The following SLC44A2 variants were observed in gnomAD, a reference collection of about 807,000 sequenced individuals.
The protein encoded by SLC44A2 is solute carrier family 44 member 2 (CTL2 blood group).
Under a neutral mutation model 90.8 loss-of-function variants are expected in SLC44A2, and 57 were observed. That is an observed-to-expected ratio of 0.63 (90% CI 0.51 to 0.78). The LOEUF (loss-of-function observed/expected upper bound fraction) is 0.78, where lower values mean the gene tolerates loss of function less well. Ranked by LOEUF, SLC44A2 falls within the 30% of genes least tolerant of loss-of-function variation. SLC44A2 has a pLI of 0.00. For synonymous variants in SLC44A2, 355 were observed against 360.7 expected (o/e 0.98, Z 0.18); for missense variants, 794 against 919.7 (o/e 0.86, Z 1.77).
chr19:10,625,070 A>G (rs1248043388), upstream of SLC44A2, among the ~76,000 whole-genome samples: 1 of 151,898 alleles, frequency 6.6e-6, no homozygotes, highest in African/African-American at 2.4e-5. Flanking sequence ...GGAGGTCGAG[A>G]CTGCGATGAG....
chr19:10,632,721 G>A (rs1325185722), intron 10 of SLC44A2, among the ~76,000 whole-genome samples: 1 of 150,942 alleles, frequency 6.6e-6, no homozygotes, highest in African/African-American at 2.4e-5. Flanking sequence ...CACCCAGGCT[G>A]GAGTGCCATG....
At chr19:10,623,414 G>A (rs1185213919), upstream of SLC44A2, among the ~76,000 whole-genome samples, 1 of 152,128 alleles carries the variant, frequency 6.6e-6, no homozygotes, top group Non-Finnish European at 1.5e-5. Flanking sequence ...TGATCACGCT[G>A]ACTGTATAAC....
intron 1 of SLC44A2, chr19:10,602,699 C>A: frequency 1.3e-6 from 1 of 761,882 alleles, no homozygotes; most frequent in Non-Finnish European, 1.7e-6. Context: ...GCATCCGACA[C>A]TGCGCGGATC....
intron 2 of SLC44A2, among the ~76,000 whole-genome samples, chr19:10,626,691 G>A (rs773613226): frequency 6.6e-6 from 1 of 151,594 alleles, no homozygotes; most frequent in Admixed American, 6.6e-5. Context: ...CAAAGTGCTG[G>A]GATTACAGGT....
intron 1 of SLC44A2, among the ~76,000 whole-genome samples, chr19:10,604,678 G>A (rs538652169): frequency 6.6e-6 from 1 of 152,242 alleles, no homozygotes; most frequent in South Asian, 2.1e-4. Context: ...GAAGCTCTGT[G>A]TCTTTGTCTA....
chr19:10,607,341 TTTG>T (rs948683167), intron 1 of SLC44A2, among the ~76,000 whole-genome samples: 12 of 151,896 alleles, frequency 7.9e-5, no homozygotes, highest in African/African-American at 1.9e-4. Flanking sequence ...TACTTTATTC[TTTG>T]TTGTTGTTGT....
At chr19:10,620,998 C>T (rs1363680920), upstream of SLC44A2, among the ~76,000 whole-genome samples, 2 of 151,882 alleles carry the variant, frequency 1.3e-5, no homozygotes, top group Non-Finnish European at 2.9e-5. Flanking sequence ...ATGATTGCTC[C>T]ACTGCATTCC....
chr19:10,627,636 T>C lies in SLC44A2; in HGVS notation c.87-86T>C, dbSNP rs2066947708. On this transcript the variant is annotated intron_variant, in intron 2 of 21. Coordinates refer to ENST00000335757, the MANE Select transcript of SLC44A2 (RefSeq NM_020428.4). The stretch of plus-strand genomic sequence containing the variant: ...CAGGAAAATTTGTCCAAATAACACA[T>C]GGATGAGGGTGTTTGCAGAGGGCAG... The C allele has an allele frequency of 4.3e-6, 6 of 1,399,576 alleles. No individual in the cohort carries two copies. In the East Asian group the frequency reaches 9.2e-5, roughly 22 times the overall value. 86.7% of individuals were successfully genotyped at this position (1,399,576 alleles called of 1,614,324 possible). A position where few individuals can be genotyped will look rare whatever the true frequency, so the allele number is the denominator to read the frequency against.
At chr19:10,643,010 G>A (rs746709079) in intron 21 of SLC44A2, 18 of 1,557,014 alleles carry the variant, frequency 1.2e-5, no homozygotes, top group Admixed American at 1.9e-5. Context: ...GGCAGAAGCC[G>A]AGGAGTAGAG....
At chr19:10,611,889 G>A (rs1918313628) in intron 1 of SLC44A2, among the ~76,000 whole-genome samples, 2 of 152,078 alleles carry the variant, frequency 1.3e-5, no homozygotes, top group Admixed American at 1.3e-4. Context: ...TCTGGCAGGG[G>A]GACTAAAAGC....
chr19:10,622,427 T>C (rs1207243528), upstream of SLC44A2, among the ~76,000 whole-genome samples: 2 of 151,908 alleles, frequency 1.3e-5, no homozygotes, highest in Non-Finnish European at 2.9e-5. Context: ...GGATAGAAAG[T>C]GTCTGTGTTG....
chr19:10,616,045 G>A (rs186397617), intron 1 of SLC44A2, among the ~76,000 whole-genome samples: 6 of 151,848 alleles, frequency 4.0e-5, no homozygotes, highest in Admixed American at 2.0e-4. Flanking sequence ...GCCAGCTGAG[G>A]TGGAAGATCA....
chr19:10,614,277 G>C (rs1306896030), intron 1 of SLC44A2, among the ~76,000 whole-genome samples: 2 of 151,910 alleles, frequency 1.3e-5, no homozygotes, highest in African/African-American at 4.8e-5. Context: ...ATAAATTTGT[G>C]TTTTTTTAAG....
At chr19:10,635,773 C>CTT (rs773477557) in intron 14 of SLC44A2, 2,626 of 205,256 alleles carry the variant, frequency 0.013, 58 homozygotes, top group African/African-American at 0.048. Context: ...TCCCTACTTC[C>CTT]TTTTTTTTTT....
chr19:10,622,444 G>A (rs1311704289), upstream of SLC44A2, among the ~76,000 whole-genome samples: 1 of 152,052 alleles, frequency 6.6e-6, no homozygotes, highest in Non-Finnish European at 1.5e-5. Context: ...GTTGGTCCAG[G>A]CAGGAGATGA....
chr19:10,620,460 AAC>A (rs1280723828), intron 1 of SLC44A2, among the ~76,000 whole-genome samples: 1 of 151,310 alleles, frequency 6.6e-6, no homozygotes, highest in African/African-American at 2.5e-5. Flanking sequence ...ATCTCCAAAA[AAC>A]AAACAAACAA....
intron 16 of SLC44A2, 117 bp downstream of exon 16, chr19:10,636,873 T>C: frequency 9.2e-7 from 1 of 1,087,192 alleles, no homozygotes; most frequent in Non-Finnish European, 1.3e-6. Context: ...AGTGATGGGT[T>C]TCTGTCTATG....
intron 1 of SLC44A2, among the ~76,000 whole-genome samples, chr19:10,611,069 C>T (rs1039046331): frequency 1.1e-4 from 17 of 151,724 alleles, no homozygotes; most frequent in African/African-American, 4.1e-4. Flanking sequence ...GGTTGAATTC[C>T]CCGGCTGAAG....
At chr19:10,642,222 C>T (rs1339655694) in intron 20 of SLC44A2, 145 bp from the exon 21 acceptor site, 7 of 640,522 alleles carry the variant, frequency 1.1e-5, no homozygotes, top group East Asian at 5.6e-5. Context: ...GCCCTGCCAG[C>T]GGGGGTGAGG....
Sources: gnomAD v4.1 joint callset for allele counts (sites outside exome capture counted in the v4.1 genomes callset) on GRCh38, gnomAD v4.1.1 for gene constraint, MANE v1.5 for transcripts, NCBI Gene and HGNC (gene_info 2026-07-23, HGNC 2026-07-21) for gene names.